ZBTB43: variants seen among roughly 807,000 people sequenced by gnomAD.
The protein encoded by ZBTB43 is zinc finger and BTB domain containing 43, also known as zinc finger and BTB domain-containing protein 43.
In ZBTB43, 6 loss-of-function variants were observed where a neutral mutation model predicts 31.1. The observed-to-expected ratio is 0.19, with a 90% CI of 0.11 to 0.38. The LOEUF is 0.38. Among genes scored for constraint, ZBTB43 ranks in the 10% least tolerant of loss-of-function variants. The probability of loss-of-function intolerance (pLI) is 1.00; values close to 1 mark genes in which losing one functional copy is unlikely to be tolerated. For synonymous variants in ZBTB43, 212 were observed against 221.7 expected, an observed-to-expected ratio of 0.96 and a Z score of 0.39; for missense variants, 379 against 602.1, an observed-to-expected ratio of 0.63 and a Z score of 3.88.
In ZBTB43 at chr9:126,835,231, TA is replaced by T. The variant is rs1195611766; in HGVS notation, c.*1325del. Reference sequence around the variant, plus strand: ...GCTACGCCGACCAGAAAAAAAAAATTAAAAAAACAAACAAGAAAAGCAACTA... The same window carrying T: ...GCTACGCCGACCAGAAAAAAAAAATTAAAAAACAAACAAGAAAAGCAACTA... On this transcript the variant is annotated 3_prime_UTR_variant, in exon 3 of 3. Transcript: ENST00000373464. 1.2e-5 allele frequency: 2 copies of T among 166,674 alleles called. No individual in the cohort carries two copies. The highest frequency in any genetic ancestry group is 4.8e-5 in the African/African-American group (2 of 41,324). 10.3% of individuals were successfully genotyped at this position (166,674 alleles called of 1,614,324 possible). A position where few individuals can be genotyped will look rare whatever the true frequency, so the allele number is the denominator to read the frequency against.
intron 2 of ZBTB43, among the ~76,000 whole-genome samples, chr9:126,827,802 G>GT (rs113909078): frequency 0.012 from 1,778 of 152,272 alleles, 32 homozygotes; most frequent in African/African-American, 0.041. Flanking sequence ...GAGGTCAGGA[G>GT]TTGGAGATCA....
rs762606716 is a variant in ZBTB43, at chr9:126,835,893, TTCAC to T, written c.*1984_*1987del. 1 of 167,066 alleles carries T rather than the reference TTCAC, an allele frequency of 6.0e-6. No individual in the cohort carries two copies. Among genetic ancestry groups the T allele is most frequent in the African/African-American group, 2.4e-5 (1 of 41,436 alleles). 10.3% of individuals were successfully genotyped at this position (167,066 alleles called of 1,614,324 possible). On this transcript the variant is annotated 3_prime_UTR_variant, in exon 3 of 3. Coordinates refer to ENST00000373464, the MANE Select transcript of ZBTB43 (RefSeq NM_014007.4). ...AATCAAGCCTATTGTCTCCTTTTCTTTCACTCATGGTAGAGGCCAGTGGGTTTTA... is the reference window on the plus strand; with the variant it reads ...AATCAAGCCTATTGTCTCCTTTTCTTTCATGGTAGAGGCCAGTGGGTTTTA...
chr9:126,812,263 G>A (rs1388422781), intron 2 of ZBTB43, among the ~76,000 whole-genome samples: 1 of 151,526 alleles, frequency 6.6e-6, no homozygotes, highest in African/African-American at 2.4e-5. Context: ...CTTTTTTATT[G>A]CCAAACATCC....
intron 2 of ZBTB43, among the ~76,000 whole-genome samples, chr9:126,817,541 T>C (rs1460201720): frequency 6.6e-6 from 1 of 151,630 alleles, no homozygotes; most frequent in African/African-American, 2.4e-5. Flanking sequence ...AGTGGCGTGA[T>C]TGCGGCTCCC....
At chr9:126,804,699 G>A (rs547286270), upstream of ZBTB43, among the ~76,000 whole-genome samples, 52 of 152,290 alleles carry the variant, frequency 3.4e-4, no homozygotes, top group Admixed American at 2.3e-3. Flanking sequence ...TGGCCAGGAT[G>A]GTCTCGAACT....
At chr9:126,822,179 TTTTA>T in intron 2 of ZBTB43, among the ~76,000 whole-genome samples, 1 of 151,798 alleles carries the variant, frequency 6.6e-6, no homozygotes, top group South Asian at 2.1e-4. Context: ...TTTTTTTTTT[TTTTA>T]AAGCTCATCT....
chr9:126,805,268 G>C (rs1183988968), intron 1 of ZBTB43, 136 bp downstream of exon 1: 1 of 152,448 alleles, frequency 6.6e-6, no homozygotes, highest in Non-Finnish European at 1.5e-5. Flanking sequence ...GCATACCAAA[G>C]CCCCGCGCGG....
At chr9:126,812,632 G>T (rs1180823545) in intron 2 of ZBTB43, among the ~76,000 whole-genome samples, 1 of 152,202 alleles carries the variant, frequency 6.6e-6, no homozygotes, top group Non-Finnish European at 1.5e-5. Context: ...GGGATGTTTA[G>T]TAGTTTTGAT....
rs560814878 is a variant in ZBTB43, at chr9:126,806,624, C to T, written c.-147+1492C>T. ...TTAAAATTACTTAAAATTGTTAAGT[C>T]TTAAAGTTTTATGTATATTTTATAC... On this transcript the variant is annotated intron_variant, in intron 1 of 2. Coordinates refer to ENST00000373464, the MANE Select transcript of ZBTB43 (RefSeq NM_014007.4). 4.5e-4 allele frequency among the ~76,000 whole-genome samples: 68 copies of T among 152,122 alleles called. 1 individual carries two copies. Among genetic ancestry groups the T allele is most frequent in the Non-Finnish European group, 8.7e-4 (59 of 68,016 alleles).
intron 2 of ZBTB43, among the ~76,000 whole-genome samples, chr9:126,810,755 G>A (rs113527761): frequency 0.014 from 2,092 of 150,890 alleles, 52 homozygotes; most frequent in African/African-American, 0.048. Flanking sequence ...CGCCCGCCTC[G>A]GCCTCCCAAA....
intron 1 of ZBTB43, among the ~76,000 whole-genome samples, chr9:126,806,174 C>T (rs751877106): frequency 4.6e-5 from 7 of 152,170 alleles, no homozygotes; most frequent in Non-Finnish European, 1.0e-4. Context: ...GGAGCCTGCT[C>T]TTTGAGTTAC....
In ZBTB43 at chr9:126,834,744, C is replaced by G. The variant is rs1171427771; in HGVS notation, c.*831C>G. 6.0e-6 allele frequency: 1 copy of G among 167,046 alleles called. No homozygotes were observed. Among genetic ancestry groups the G allele is most frequent in the African/African-American group, 2.4e-5 (1 of 41,446 alleles). The allele number at this position is 167,046 out of a possible 1,614,324, so 10.3% of individuals were successfully genotyped here. On this transcript the variant is annotated 3_prime_UTR_variant, in exon 3 of 3. Transcript: ENST00000373464. Reference sequence around the variant, plus strand: ...AATTGTAGCCTCCATACAGTGGGGTCTTCTCTGTGGCTGGTAGACACCAAG... The same window carrying G: ...AATTGTAGCCTCCATACAGTGGGGTGTTCTCTGTGGCTGGTAGACACCAAG...
intron 2 of ZBTB43, among the ~76,000 whole-genome samples, chr9:126,819,438 T>C (rs2032463529): frequency 6.6e-6 from 1 of 152,130 alleles, no homozygotes; most frequent in Non-Finnish European, 1.5e-5. Context: ...ATTATTATTA[T>C]ATCTGTTATG....
chr9:126,814,650 G>T (rs1298403607), intron 2 of ZBTB43, among the ~76,000 whole-genome samples: 1 of 151,904 alleles, frequency 6.6e-6, no homozygotes, highest in South Asian at 2.1e-4. Flanking sequence ...AAAATTAGCC[G>T]GGCATGGTGG....
At chr9:126,813,138 G>A (rs930495656) in intron 2 of ZBTB43, among the ~76,000 whole-genome samples, 1 of 151,816 alleles carries the variant, frequency 6.6e-6, no homozygotes, top group Non-Finnish European at 1.5e-5. Flanking sequence ...GTGCCACCAC[G>A]CCCGGCTAAC....
rs973993831 is a variant in ZBTB43, at chr9:126,833,887, G to A, written c.1378G>A (p.Glu460Lys). Residue 460 changes from glutamate (E) to lysine (K), a missense_variant, in exon 3 of 3, where the codon GAG becomes AAG. Physicochemically the swap from Glu to Lys is moderately conservative, Grantham distance 56. Transcript: ENST00000373464. This position sits in a 1 kb window ranked among gnomAD's most constrained non-coding sequence, Gnocchi z 7.9. ...TAAGTCCTACGAAGCTGCAAAGGCT[G>A]AGCAGAATACAACTGAGGCTAACTA... ...CTKSYEAAKA[E>K]QNTTEAN 1.3e-6 allele frequency: 2 copies of A among 1,588,428 alleles called. No homozygotes were observed. Among genetic ancestry groups the A allele is most frequent in the African/African-American group, 2.7e-5 (2 of 74,510 alleles).
Position 126,834,177 on chromosome 9 carries a change from G to A in ZBTB43, c.*264G>A, listed in dbSNP as rs768608223. On this transcript the variant is annotated 3_prime_UTR_variant, in exon 3 of 3. Coordinates refer to ENST00000373464, the MANE Select transcript of ZBTB43 (RefSeq NM_014007.4). ...GGCAAGGGAAACCTTCTGACTGGTT[G>A]TGATCGAAACAGGTGGACAGAGACA... 2.9e-6 allele frequency: 1 copy of A among 345,840 alleles called. No individual in the cohort carries two copies. Among genetic ancestry groups the A allele is most frequent in the Non-Finnish European group, 5.5e-6 (1 of 180,242 alleles). The allele number at this position is 345,840 out of a possible 1,614,324, so 21.4% of individuals were successfully genotyped here. A position where few individuals can be genotyped will look rare whatever the true frequency, so the allele number is the denominator to read the frequency against.
At chr9:126,824,225 C>T (rs1194797201) in intron 2 of ZBTB43, among the ~76,000 whole-genome samples, 2 of 152,214 alleles carry the variant, frequency 1.3e-5, no homozygotes, top group Non-Finnish European at 2.9e-5. Context: ...TGGGGTTTCA[C>T]TTTGTTGACC....
rs1554741074 is a variant in ZBTB43 at position 126,815,658 on chromosome 9, C to CTCTT, written c.-24+6744_-24+6745insCTTT. Among the ~76,000 whole-genome samples, 1,123 of 122,696 alleles carry CTCTT rather than the reference C, an allele frequency of 9.2e-3. 15 individuals are homozygous for CTCTT. The highest frequency in any genetic ancestry group is 0.031 in the African/African-American group (1,078 of 34,284). 80.5% of individuals were successfully genotyped at this position (122,696 alleles called of 152,430 possible). On this transcript the variant is annotated intron_variant, in intron 2 of 2. Coordinates refer to ENST00000373464, the MANE Select transcript of ZBTB43 (RefSeq NM_014007.4). ...TTTATTTGGGTCTCTCTCTCTCTCT[C>CTCTT]TTTTTTTTTTTTTCAATAGTTTCCC...
Sources: allele counts gnomAD v4.1 joint callset (sites outside exome capture counted in the v4.1 genomes callset), GRCh38; gene constraint gnomAD v4.1.1; non-coding constraint Gnocchi (gnomAD v3.1); transcripts MANE v1.5; gene names NCBI Gene and HGNC (gene_info 2026-07-23, HGNC 2026-07-21).